The following APTX variants were observed in gnomAD, a reference collection of about 807,000 sequenced individuals.
APTX encodes the protein forkhead-associated domain histidine triad-like protein.
A neutral mutation model predicts 42.3 loss-of-function variants in APTX; 33 were observed. The ratio of observed to expected loss-of-function variants is 0.78; its 90% confidence interval spans 0.59 to 1.04. The LOEUF is 1.04. Ranked by LOEUF, APTX falls within the 50% of genes least tolerant of loss-of-function variation. APTX has a pLI of 0.00. For missense variants in APTX, 421 were observed against 415.1 expected (o/e 1.01, Z -0.12); for synonymous variants, 130 against 146.7 (o/e 0.89, Z 0.82).
chr9:33,023,951 T>C (rs1443722261), intron 1 of APTX, among the ~76,000 whole-genome samples: 2 of 152,216 alleles, frequency 1.3e-5, no homozygotes, highest in Non-Finnish European at 2.9e-5. Flanking sequence ...ATCATATTCT[T>C]CCACACCTTA....
At chr9:33,021,741 T>G (rs1220516620) in intron 1 of APTX, among the ~76,000 whole-genome samples, 3 of 152,108 alleles carry the variant, frequency 2.0e-5, no homozygotes, top group Non-Finnish European at 4.4e-5. Context: ...AGTTTGCCAT[T>G]TGGAGAAAAA....
At position 32,976,807 on chromosome 9, in the gene APTX, A is replaced by G. The variant is rs528573193; in HGVS notation, c.771-2246T>C. On this transcript the variant is annotated intron_variant, in intron 6 of 7. Coordinates refer to ENST00000379817, the MANE Select transcript of APTX (RefSeq NM_001195248.2). The stretch of plus-strand genomic sequence containing the variant: ...TCCAAAAGTAAAATCTATTAAGTAC[A>G]ATACACCTGCACAAGAAATTACAAG... 4.6e-5 allele frequency among the ~76,000 whole-genome samples: 7 copies of G among 152,374 alleles called. No homozygotes were observed. The East Asian group carries it at 5.8e-4, about 13-fold the overall frequency.
upstream of APTX, among the ~76,000 whole-genome samples, chr9:33,002,612 GCCATAAATGCCCACTTGC>G (rs1836745688): frequency 6.6e-6 from 1 of 152,052 alleles, no homozygotes. Context: ...CAGCTCCTTG[GCCATAAATGCCCACTTGC>G]CCATGCTGCT....
At chr9:33,021,917 G>A (rs1448337334) in intron 1 of APTX, among the ~76,000 whole-genome samples, 2 of 150,204 alleles carry the variant, frequency 1.3e-5, no homozygotes, top group Admixed American at 6.6e-5. Context: ...CTTGAGCCTA[G>A]GAGTTCGAGG....
chr9:33,006,396 ACT>A (rs1284922166), upstream of APTX, among the ~76,000 whole-genome samples: 1 of 152,188 alleles, frequency 6.6e-6, no homozygotes, highest in Non-Finnish European at 1.5e-5. Flanking sequence ...CCAGTTTGCC[ACT>A]GTTTCCACCC....
chr9:33,003,640 A>C (rs984873637), upstream of APTX, among the ~76,000 whole-genome samples: 5 of 152,060 alleles, frequency 3.3e-5, no homozygotes, highest in South Asian at 2.1e-4. Flanking sequence ...TCAAAAAAAA[A>C]ACTCCGTATC....
intron 2 of APTX, 146 bp downstream of exon 2, chr9:32,989,613 C>G: frequency 8.3e-7 from 1 of 1,208,890 alleles, no homozygotes; most frequent in African/African-American, 1.5e-5. Flanking sequence ...AAATAGGGCC[C>G]TGGTGTTGGC....
At chr9:33,003,011 C>G (rs956856262), upstream of APTX, among the ~76,000 whole-genome samples, 1 of 152,192 alleles carries the variant, frequency 6.6e-6, no homozygotes, top group Non-Finnish European at 1.5e-5. Flanking sequence ...AGCAGCCACA[C>G]AGGCCTTACA....
intron 6 of APTX, among the ~76,000 whole-genome samples, chr9:32,983,415 T>G (rs957124285): frequency 6.6e-6 from 1 of 152,210 alleles, no homozygotes; most frequent in Admixed American, 6.5e-5. Flanking sequence ...AGGATAGACA[T>G]CTTCTGTATC....
At chr9:33,017,797 TTA>T (rs1429763795) in intron 1 of APTX, among the ~76,000 whole-genome samples, 5 of 152,074 alleles carry the variant, frequency 3.3e-5, no homozygotes, top group African/African-American at 1.2e-4. Flanking sequence ...TGAGGCTTCA[TTA>T]GGTAAGCATG....
At chr9:33,012,220 A>G (rs1258759970) in intron 1 of APTX, among the ~76,000 whole-genome samples, 1 of 152,234 alleles carries the variant, frequency 6.6e-6, no homozygotes. Context: ...TTGATTCACA[A>G]GAGACCTTAC....
At chr9:32,995,662 C>T (rs540990388) in intron 1 of APTX, among the ~76,000 whole-genome samples, 273 of 152,132 alleles carry the variant, frequency 1.8e-3, no homozygotes, top group Admixed American at 3.6e-3. Flanking sequence ...CCAAGGCGGG[C>T]GGATCACGAG....
At chr9:32,977,368 C>CA (rs1428418310) in intron 6 of APTX, among the ~76,000 whole-genome samples, 2 of 152,050 alleles carry the variant, frequency 1.3e-5, no homozygotes, top group African/African-American at 4.8e-5. Flanking sequence ...CCCATAGCCC[C>CA]AGCTACTCGG....
intron 1 of APTX, chr9:33,024,750 G>GTTT (rs936225510): frequency 6.6e-6 from 1 of 151,912 alleles, no homozygotes; most frequent in African/African-American, 2.4e-5. Flanking sequence ...TGGACCACGC[G>GTTT]TGAAAAACAG....
chr9:33,020,494 G>C (rs778533294), intron 1 of APTX, among the ~76,000 whole-genome samples: 1 of 152,092 alleles, frequency 6.6e-6, no homozygotes, highest in Non-Finnish European at 1.5e-5. Context: ...TCCAACCTTC[G>C]CATTAGCACC....
At chr9:33,015,452 G>A (rs181998843) in intron 1 of APTX, among the ~76,000 whole-genome samples, 71 of 152,122 alleles carry the variant, frequency 4.7e-4, no homozygotes, top group African/African-American at 1.6e-3. Flanking sequence ...TCCACCTCCC[G>A]GGTTCAAGTG....
upstream of APTX, among the ~76,000 whole-genome samples, chr9:33,003,646 G>A (rs868172974): frequency 9.2e-5 from 14 of 151,872 alleles, no homozygotes; most frequent in Admixed American, 8.5e-4. Flanking sequence ...AAAAAACTCC[G>A]TATCGATTAA....
intron 1 of APTX, among the ~76,000 whole-genome samples, chr9:32,997,717 C>A (rs183435891): frequency 6.6e-6 from 1 of 152,180 alleles, no homozygotes; most frequent in Non-Finnish European, 1.5e-5. Flanking sequence ...AGAGAAGAGG[C>A]TGGAGATACA....
intron 1 of APTX, among the ~76,000 whole-genome samples, chr9:32,994,506 T>C (rs1834375350): frequency 6.6e-6 from 1 of 152,254 alleles, no homozygotes; most frequent in Admixed American, 6.5e-5. Flanking sequence ...CTGGCATACC[T>C]GCTTTGTGCT....
Sources: gnomAD v4.1 joint callset for allele counts (sites outside exome capture counted in the v4.1 genomes callset) on GRCh38, gnomAD v4.1.1 for gene constraint, MANE v1.5 for transcripts, NCBI Gene and HGNC (gene_info 2026-07-23, HGNC 2026-07-21) for gene names.